SNRK: variants seen among roughly 807,000 people sequenced by gnomAD.
SNRK encodes the protein SNF related kinase, also known as SNF-related serine/threonine-protein kinase.
A neutral mutation model predicts 48.2 loss-of-function variants in SNRK; 3 were observed. That is an observed-to-expected ratio of 0.06 (90% CI 0.03 to 0.16). The LOEUF (loss-of-function observed/expected upper bound fraction) is 0.16. Among genes scored for constraint, SNRK ranks in the 10% least tolerant of loss-of-function variants. The pLI, the probability that SNRK is intolerant of heterozygous loss-of-function variation, is 1.00. For synonymous variants in SNRK, 376 were observed against 366.1 expected (o/e 1.03, Z -0.31); for missense variants, 627 against 976.0 (o/e 0.64, Z 4.76).
At position 43,332,186 on chromosome 3, in the gene SNRK, G is replaced by A; in HGVS notation, c.607G>A (p.Val203Met). The A allele has an allele frequency of 6.3e-7, 1 of 1,590,576 alleles. No individual in the cohort carries two copies. The highest frequency in any genetic ancestry group is 8.5e-7 in the Non-Finnish European group (1 of 1,170,164). ...APAVDIWSLG[V>M]ILFMLVCGQP... ...ATTTATAGATATTTGGAGTCTGGGAGTGATCCTTTTCATGTTGGTGTGTGG... is the reference window on the plus strand; with the variant it reads ...ATTTATAGATATTTGGAGTCTGGGAATGATCCTTTTCATGTTGGTGTGTGG... Residue 203 changes from valine to methionine, a missense_variant, in exon 4 of 7, where the codon GTG (valine) becomes ATG (methionine). By Grantham distance (21) the Val-to-Met change is conservative. Transcript: ENST00000296088.
chr3:43,341,297 C>T (rs539228612), intron 5 of SNRK, among the ~76,000 whole-genome samples: 8 of 152,230 alleles, frequency 5.3e-5, no homozygotes, highest in Admixed American at 4.6e-4. Flanking sequence ...ACTACAGGTG[C>T]CTGCAACCAC....
rs935689207 is a variant in SNRK, at chr3:43,303,034, T to C, written c.-106-64T>C. ...AAAATGAAAAAAACAAAAAATGAAG[T>C]GATTTTAAAGTTTGTGAAGAAAAGT... is the stretch of plus-strand genomic sequence containing the variant. On this transcript the variant is annotated intron_variant, in intron 2 of 6. Transcript: ENST00000296088. This position sits in a 1 kb window ranked among gnomAD's most constrained non-coding sequence, Gnocchi z 6.2. The C allele has an allele frequency of 2.1e-6, 1 of 476,506 alleles. No homozygotes were observed. Among genetic ancestry groups the C allele is most frequent in the Non-Finnish European group, 3.6e-6 (1 of 275,654 alleles). The allele number at this position is 476,506 out of a possible 1,614,324, so 29.5% of individuals were successfully genotyped here.
rs2091317437 is a variant in SNRK at position 43,350,822 on chromosome 3, T to G, written c.*2265T>G. On this transcript the variant is annotated 3_prime_UTR_variant, in exon 7 of 7. Transcript: ENST00000296088. ...CATATAGTTACAGTAGTGTATAAAT[T>G]AAATATTGTGGAAAAACAGTCTTGT... 1 of 152,548 alleles carries G rather than the reference T, an allele frequency of 6.6e-6. No individual in the cohort carries two copies. Among genetic ancestry groups the G allele is most frequent in the South Asian group, 2.1e-4 (1 of 4,822 alleles). 9.4% of individuals were successfully genotyped at this position (152,548 alleles called of 1,614,324 possible). A position where few individuals can be genotyped will look rare whatever the true frequency, so the allele number is the denominator to read the frequency against.
At position 43,320,027 on chromosome 3, in the gene SNRK, CACAA is replaced by C. The variant is rs760378464; in HGVS notation, c.590-12138_590-12135del. 3.3e-5 allele frequency among the ~76,000 whole-genome samples: 5 copies of C among 152,296 alleles called. No homozygotes were observed. The East Asian group carries it at 7.7e-4, about 23-fold the overall frequency. On this transcript the variant is annotated intron_variant, in intron 3 of 6. Coordinates refer to ENST00000296088, the MANE Select transcript of SNRK (RefSeq NM_017719.5). ...GTGGACCCGCAACTATTTGGATGAACACAAACAGTTTTGAAATAAGCTTTGGAAC... is the reference window on the plus strand; with the variant it reads ...GTGGACCCGCAACTATTTGGATGAACACAGTTTTGAAATAAGCTTTGGAAC...
intron 1 of SNRK, among the ~76,000 whole-genome samples, chr3:43,294,752 C>CT (rs1304408943): frequency 7.5e-5 from 11 of 146,772 alleles, no homozygotes; most frequent in African/African-American, 2.3e-4. Context: ...TTCCACAATT[C>CT]TTTTTTTGAC....
Position 43,348,601 on chromosome 3 carries a change from G to C in SNRK, c.*44G>C. 1 of 1,476,918 alleles carries C rather than the reference G, an allele frequency of 6.8e-7. No homozygotes were observed. Among genetic ancestry groups the C allele is most frequent in the Non-Finnish European group, 8.9e-7 (1 of 1,118,376 alleles). 91.5% of individuals were successfully genotyped at this position (1,476,918 alleles called of 1,614,324 possible). The stretch of plus-strand genomic sequence containing the variant: ...GCTAGCACGCTTCCTGCTCAGAGCA[G>C]TGAAGACCGGCTCACTTCACTGTTC... On this transcript the variant is annotated 3_prime_UTR_variant, in exon 7 of 7. Transcript: ENST00000296088.
intron 4 of SNRK, among the ~76,000 whole-genome samples, chr3:43,335,813 C>T (rs1188592943): frequency 1.3e-5 from 2 of 152,080 alleles, no homozygotes; most frequent in Non-Finnish European, 2.9e-5. Context: ...AGGTAATGGC[C>T]CTCTTTAGTA....
intron 3 of SNRK, among the ~76,000 whole-genome samples, chr3:43,308,904 TTAAG>T (rs2125623906): frequency 6.6e-6 from 1 of 152,332 alleles, no homozygotes; most frequent in East Asian, 1.9e-4. Flanking sequence ...GGATGCACCA[TTAAG>T]TACATTTGTG....
At chr3:43,343,530 GA>G in intron 6 of SNRK, 52 bp downstream of exon 6, 1 of 1,537,044 alleles carries the variant, frequency 6.5e-7, no homozygotes, top group Non-Finnish European at 8.8e-7. Context: ...TTGAAATAGC[GA>G]ACTTTTTTTT....
intron 4 of SNRK, among the ~76,000 whole-genome samples, chr3:43,334,356 G>A (rs2091170441): frequency 6.6e-6 from 1 of 151,966 alleles, no homozygotes; most frequent in South Asian, 2.1e-4. Context: ...AGCTACTGGA[G>A]AGGCTGAGGT....
intron 4 of SNRK, chr3:43,332,785 C>A (rs937573506): frequency 6.6e-6 from 1 of 152,258 alleles, no homozygotes; most frequent in Admixed American, 6.5e-5. Context: ...CTTCACACAC[C>A]TTCTGCTAAT....
chr3:43,296,418 A>ATATATATATATATATATATATATATATG (rs1164211741), intron 1 of SNRK, among the ~76,000 whole-genome samples: 1 of 130,322 alleles, frequency 7.7e-6, no homozygotes, highest in Non-Finnish European at 1.5e-5. Flanking sequence ...ATACTGGCAT[A>ATATATATATATATATATATATATATATG]TATATATATA....
At chr3:43,341,370 C>T (rs769071525) in intron 5 of SNRK, among the ~76,000 whole-genome samples, 3 of 152,138 alleles carry the variant, frequency 2.0e-5, no homozygotes, top group African/African-American at 7.2e-5. Context: ...CCAGGATGGT[C>T]TCGATCTCCT....
At chr3:43,300,341 T>G (rs551416015) in intron 2 of SNRK, among the ~76,000 whole-genome samples, 1 of 152,286 alleles carries the variant, frequency 6.6e-6, no homozygotes, top group East Asian at 1.9e-4. Flanking sequence ...GCTTTTTCAT[T>G]TATTTTTGTA....
chr3:43,315,879 A>G (rs1393257567), intron 3 of SNRK, among the ~76,000 whole-genome samples: 1 of 152,230 alleles, frequency 6.6e-6, no homozygotes, highest in Non-Finnish European at 1.5e-5. Context: ...GATACTTTAT[A>G]CATCTATAAT....
At chr3:43,323,545 T>C (rs1575548270) in intron 3 of SNRK, among the ~76,000 whole-genome samples, 2 of 152,198 alleles carry the variant, frequency 1.3e-5, no homozygotes, top group East Asian at 3.8e-4. Flanking sequence ...GAAAAATCAT[T>C]TGGCAGTTTC....
Position 43,303,040 on chromosome 3 carries a change from TA to T in SNRK, c.-106-55del. ...AAAAAAACAAAAAATGAAGTGATTTTAAAGTTTGTGAAGAAAAGTCGCAGAA... is the reference window on the plus strand; with the variant it reads ...AAAAAAACAAAAAATGAAGTGATTTTAAGTTTGTGAAGAAAAGTCGCAGAA... On this transcript the variant is annotated intron_variant, in intron 2 of 6. Coordinates refer to ENST00000296088, the MANE Select transcript of SNRK (RefSeq NM_017719.5). This position sits in a 1 kb window ranked among gnomAD's most constrained non-coding sequence, Gnocchi z 6.2. 1 of 499,668 alleles carries T rather than the reference TA, an allele frequency of 2.0e-6. No individual in the cohort carries two copies. Among genetic ancestry groups the T allele is most frequent in the South Asian group, 4.7e-5 (1 of 21,302 alleles). The allele number at this position is 499,668 out of a possible 1,614,324, so 31.0% of individuals were successfully genotyped here. A position where few individuals can be genotyped will look rare whatever the true frequency, so the allele number is the denominator to read the frequency against.
chr3:43,315,844 A>G (rs2125628734), intron 3 of SNRK, among the ~76,000 whole-genome samples: 1 of 152,348 alleles, frequency 6.6e-6, no homozygotes, highest in South Asian at 2.1e-4. Context: ...CCCAGCTGCC[A>G]AATGAAATGT....
intron 2 of SNRK, among the ~76,000 whole-genome samples, chr3:43,300,222 A>G (rs1039095049): frequency 6.6e-5 from 10 of 152,302 alleles, no homozygotes; most frequent in East Asian, 1.9e-4. Context: ...ATAGCTTGCT[A>G]TAGATTAAAA....
Sources: gnomAD v4.1 joint callset for allele counts (sites outside exome capture counted in the v4.1 genomes callset) on GRCh38, gnomAD v4.1.1 for gene constraint, Gnocchi (gnomAD v3.1) non-coding constraint, MANE v1.5 for transcripts, NCBI Gene and HGNC (gene_info 2026-07-23, HGNC 2026-07-21) for gene names.